Variants in MCF2L2 observed in about 807,000 individuals in gnomAD.
MCF2L2 encodes the protein probable guanine nucleotide exchange factor MCF2L2.
Under a neutral mutation model 150.2 loss-of-function variants are expected in MCF2L2, and 102 were observed. That is an observed-to-expected ratio of 0.68 (90% CI 0.58 to 0.80). MCF2L2 has a LOEUF of 0.80. Among genes scored for constraint, MCF2L2 ranks in the 30% least tolerant of loss-of-function variants. The pLI is 0.00. For missense variants in MCF2L2, 1,256 were observed against 1,372.8 expected (o/e 0.91, Z 1.34); for synonymous variants, 465 against 491.3 (o/e 0.95, Z 0.71).
chr3:183,193,618 G>A (rs1007398997), intron 26 of MCF2L2, among the ~76,000 whole-genome samples: 1 of 152,108 alleles, frequency 6.6e-6, no homozygotes, highest in African/African-American at 2.4e-5. Context: ...CAAAGTGCTG[G>A]GATTACATGG....
intron 22 of MCF2L2, among the ~76,000 whole-genome samples, chr3:183,210,512 AC>A (rs1413546146): frequency 6.6e-6 from 1 of 152,230 alleles, no homozygotes; most frequent in Non-Finnish European, 1.5e-5. Context: ...ATATGTTGTC[AC>A]TGAGCAACAT....
rs115332392 is a variant in MCF2L2, at chr3:183,195,499, T to C, written c.2885-244A>G. 6.6e-3 allele frequency among the ~76,000 whole-genome samples: 1,007 copies of C among 152,266 alleles called. 16 individuals are homozygous for C. The highest frequency in any genetic ancestry group is 0.023 in the African/African-American group (938 of 41,540). On this transcript the variant is annotated intron_variant, in intron 25 of 29. Coordinates refer to ENST00000328913, the MANE Select transcript of MCF2L2 (RefSeq NM_015078.4). ...CATCCTGCTGAGTTTCTGGCATGCA[T>C]TGGTTCTGGGTCTGTCCAAGTTTCT...
At chr3:183,253,399 G>A (rs1724694496) in intron 15 of MCF2L2, 1 of 152,252 alleles carries the variant, frequency 6.6e-6, no homozygotes, top group African/African-American at 2.4e-5. Flanking sequence ...CTCCGATTTG[G>A]ACATTTAAAG....
intron 14 of MCF2L2, among the ~76,000 whole-genome samples, 170 bp downstream of exon 14, chr3:183,288,950 A>C (rs1727955976): frequency 6.6e-6 from 1 of 152,226 alleles, no homozygotes; most frequent in Admixed American, 6.5e-5. Context: ...AAGAAAGAAA[A>C]GGATGAAAAG....
At chr3:183,306,109 G>T (rs1394381037) in intron 10 of MCF2L2, among the ~76,000 whole-genome samples, 3 of 152,184 alleles carry the variant, frequency 2.0e-5, no homozygotes, top group Non-Finnish European at 4.4e-5. Context: ...CGTGACTAGG[G>T]TCATACAGCT....
intron 3 of MCF2L2, among the ~76,000 whole-genome samples, chr3:183,357,825 T>C (rs1296747610): frequency 6.7e-6 from 1 of 148,406 alleles, no homozygotes; most frequent in Non-Finnish European, 1.5e-5. Flanking sequence ...TTCTCCATGA[T>C]GTAAAGATAT....
chr3:183,304,462 AT>A (rs36115279), intron 10 of MCF2L2, among the ~76,000 whole-genome samples: 1,923 of 113,990 alleles, frequency 0.017, 15 homozygotes, highest in African/African-American at 0.044. Context: ...CTGGGCAGTG[AT>A]TTTTTTTTTT....
rs1576914338 is a variant in MCF2L2, at chr3:183,197,736, A to G, written c.2885-2481T>C. On this transcript the variant is annotated intron_variant, in intron 25 of 29. Coordinates refer to ENST00000328913, the MANE Select transcript of MCF2L2 (RefSeq NM_015078.4). This position sits in a 1 kb window ranked among gnomAD's most constrained non-coding sequence, Gnocchi z 4.5. ...ACATATATCTAGGATATACATAAAA[A>G]CTCTCAAAAGTCAATAATAAGAAAA... Among the ~76,000 whole-genome samples, 1 of 152,178 alleles carries G rather than the reference A, an allele frequency of 6.6e-6. No individual in the cohort carries two copies. The highest frequency in any genetic ancestry group is 1.9e-4 in the East Asian group (1 of 5,202).
chr3:183,230,546 G>A (rs192339286), intron 16 of MCF2L2, among the ~76,000 whole-genome samples: 38 of 152,140 alleles, frequency 2.5e-4, no homozygotes, highest in Admixed American at 1.8e-3. Context: ...AAATAATCGC[G>A]TACATATAAT....
chr3:183,391,451 AT>A (rs1714143266), intron 1 of MCF2L2, among the ~76,000 whole-genome samples: 1 of 152,156 alleles, frequency 6.6e-6, no homozygotes, highest in African/African-American at 2.4e-5. Flanking sequence ...GTCACTGTTC[AT>A]TCGGTGGGTG....
chr3:183,235,450 G>A (rs373086780), intron 15 of MCF2L2, among the ~76,000 whole-genome samples: 67 of 80,168 alleles, frequency 8.4e-4, no homozygotes, highest in African/African-American at 4.3e-3. Context: ...GATGGCCAGT[G>A]ATGATGAGCA....
intron 1 of MCF2L2, among the ~76,000 whole-genome samples, chr3:183,416,878 G>A (rs950278810): frequency 6.6e-6 from 1 of 152,044 alleles, no homozygotes; most frequent in Non-Finnish European, 1.5e-5. Flanking sequence ...GGGAGGCTGA[G>A]GCGGGTGGAT....
chr3:183,318,229 G>A lies in MCF2L2; in HGVS notation c.604-12C>T, dbSNP rs759494933. 7.4e-6 allele frequency: 12 copies of A among 1,614,046 alleles called. No individual in the cohort carries two copies. The highest frequency in any genetic ancestry group is 8.5e-6 in the Non-Finnish European group (10 of 1,179,986). On this transcript the variant is annotated splice_polypyrimidine_tract_variant and intron_variant, in intron 6 of 29. Coordinates refer to ENST00000328913, the MANE Select transcript of MCF2L2 (RefSeq NM_015078.4). ...AAGTTTTCGATGGCCTGGAAGGTCA[G>A]ACAATTGTAACAATATGGAGAGATT...
intron 15 of MCF2L2, chr3:183,271,937 C>T (rs1441205037): frequency 5.7e-6 from 1 of 174,470 alleles, no homozygotes; most frequent in East Asian, 1.9e-4. Context: ...TTAACCCACT[C>T]CTCCCCAACA....
chr3:183,334,109 A>C (rs1235981135), intron 5 of MCF2L2, among the ~76,000 whole-genome samples: 1 of 152,200 alleles, frequency 6.6e-6, no homozygotes, highest in Non-Finnish European at 1.5e-5. Context: ...AAAACTAAGA[A>C]TCCAAAACGA....
intron 1 of MCF2L2, among the ~76,000 whole-genome samples, chr3:183,392,124 C>T (rs552620336): frequency 1.3e-5 from 2 of 152,228 alleles, no homozygotes; most frequent in East Asian, 3.9e-4. Context: ...ATTGTTCTTA[C>T]ATGTCAATAT....
intron 3 of MCF2L2, among the ~76,000 whole-genome samples, chr3:183,363,985 C>G (rs1305324445): frequency 1.3e-5 from 2 of 152,058 alleles, no homozygotes; most frequent in Non-Finnish European, 2.9e-5. Context: ...TAAAAATTTA[C>G]TATTAATAAC....
chr3:183,207,843 A>T lies in MCF2L2; in HGVS notation c.2497-20T>A, dbSNP rs765734031. 35 of 1,577,946 alleles carry T rather than the reference A, an allele frequency of 2.2e-5. No individual in the cohort carries two copies. The highest frequency in any genetic ancestry group is 9.5e-6 in the Non-Finnish European group (11 of 1,152,318). ...ATCGTCCTTTTGGAAACACACATAC[A>T]GGAAAAGAAGCTGTAAAATTACTTG... On this transcript the variant is annotated intron_variant, in intron 22 of 29. Coordinates refer to ENST00000328913, the MANE Select transcript of MCF2L2 (RefSeq NM_015078.4).
At chr3:183,319,317 GT>G (rs1426824116) in intron 6 of MCF2L2, among the ~76,000 whole-genome samples, 2 of 152,184 alleles carry the variant, frequency 1.3e-5, no homozygotes, top group Non-Finnish European at 2.9e-5. Flanking sequence ...TCCACTTCTA[GT>G]TCTCTTGCTA....
Sources: allele counts gnomAD v4.1 joint callset (sites outside exome capture counted in the v4.1 genomes callset), GRCh38; gene constraint gnomAD v4.1.1; non-coding constraint Gnocchi (gnomAD v3.1); transcripts MANE v1.5; gene names NCBI Gene and HGNC (gene_info 2026-07-23, HGNC 2026-07-21).